WNK1: variants seen among roughly 807,000 people sequenced by gnomAD.
The protein encoded by WNK1 is serine/threonine-protein kinase WNK1.
Under a neutral mutation model 222.8 loss-of-function variants are expected in WNK1, and 38 were observed. That is an observed-to-expected ratio of 0.17 (90% CI 0.13 to 0.22). The LOEUF (loss-of-function observed/expected upper bound fraction) is 0.22. Among genes scored for constraint, WNK1 ranks in the 10% least tolerant of loss-of-function variants. The pLI is 1.00. For missense variants in WNK1, 2,348 were observed against 2,918.4 expected, an observed-to-expected ratio of 0.80 and a Z score of 4.50; for synonymous variants, 1,090 against 1,092.9, an observed-to-expected ratio of 1.00 and a Z score of 0.05.
At chr12:839,540 C>T (rs1250456546) in intron 4 of WNK1, among the ~76,000 whole-genome samples, 1 of 152,058 alleles carries the variant, frequency 6.6e-6, no homozygotes, top group Admixed American at 6.6e-5. Context: ...TTTGAGCTAA[C>T]CTCATTTGTT....
rs1592059537 is a variant in WNK1, at chr12:861,163, C to A, written c.1771C>A (p.Gln591Lys). The A allele has an allele frequency of 6.2e-7, 1 of 1,614,004 alleles. No homozygotes were observed. Among genetic ancestry groups the A allele is most frequent in the Non-Finnish European group, 8.5e-7 (1 of 1,179,984 alleles). Reference sequence around the variant, plus strand: ...AAAGCAGGAAGAGAGCAGTCTCAAACAGCAGGTAGAACAATCCAGTGCTTC... The same window carrying A: ...AAAGCAGGAAGAGAGCAGTCTCAAAAAGCAGGTAGAACAATCCAGTGCTTC... ...KKKQEESSLKQQVEQSSASQT... is the reference protein window; with the variant it reads ...KKKQEESSLKKQVEQSSASQT... Residue 591 changes from glutamine (Q) to lysine (K), a missense_variant, in exon 7 of 28, where the codon CAG becomes AAG. Transcript: ENST00000315939.
intron 1 of WNK1, among the ~76,000 whole-genome samples, chr12:793,305 T>A (rs1945015057): frequency 6.6e-6 from 1 of 152,138 alleles, no homozygotes; most frequent in African/African-American, 2.4e-5. Flanking sequence ...CTTTATAAAG[T>A]AGAGTTTACT....
chr12:868,548 A>G, intron 8 of WNK1: 1 of 1,613,852 alleles, frequency 6.2e-7, no homozygotes, highest in Middle Eastern at 1.6e-4. Context: ...ACACGTTTGA[A>G]ATTTCACCCT....
chr12:904,395 A>G, intron 26 of WNK1: 2 of 1,265,010 alleles, frequency 1.6e-6, no homozygotes, highest in South Asian at 2.5e-5. Context: ...GAGATTCTAA[A>G]TATTTTACAC....
intron 4 of WNK1, among the ~76,000 whole-genome samples, chr12:841,039 A>G (rs1466000741): frequency 6.6e-6 from 1 of 152,234 alleles, no homozygotes; most frequent in Non-Finnish European, 1.5e-5. Flanking sequence ...CTGTATTCTC[A>G]GTATAGTGTT....
chr12:896,057 T>C lies in WNK1; in HGVS notation c.5584-14T>C. The stretch of plus-strand genomic sequence containing the variant: ...TGAGAACTTAAGTTTTTAATCTTTG[T>C]CCTTTTTTATCAGGTTTCTGTTGCA... On this transcript the variant is annotated splice_polypyrimidine_tract_variant and intron_variant, in intron 23 of 27. Coordinates refer to ENST00000315939, the MANE Select transcript of WNK1 (RefSeq NM_018979.4). 6.2e-7 allele frequency: 1 copy of C among 1,614,184 alleles called. No homozygotes were observed. The highest frequency in any genetic ancestry group is 1.3e-5 in the African/African-American group (1 of 75,052).
chr12:826,930 G>A, intron 2 of WNK1, 112 bp from the exon 3 acceptor site: 1 of 796,248 alleles, frequency 1.3e-6, no homozygotes, highest in Non-Finnish European at 2.1e-6. Flanking sequence ...CTGAATCTTA[G>A]TATGCTAAAT....
At position 821,802 on chromosome 12, in the gene WNK1, C is replaced by T. The variant is rs548337974; in HGVS notation, c.933-5240C>T. On this transcript the variant is annotated intron_variant, in intron 2 of 27. Coordinates refer to ENST00000315939, the MANE Select transcript of WNK1 (RefSeq NM_018979.4). ...TCATGCTCTTCTTTATCTCTTGCAT[C>T]AGTATTTTTACTTATTTTGCCTGAT... Among the ~76,000 whole-genome samples, 6 of 152,196 alleles carry T rather than the reference C, an allele frequency of 3.9e-5. No homozygotes were observed. The East Asian group carries it at 1.2e-3, about 29-fold the overall frequency.
In WNK1 at chr12:884,328, A is replaced by C. The variant is rs965258370; in HGVS notation, c.3844+85A>C. 3 of 1,576,202 alleles carry C rather than the reference A, an allele frequency of 1.9e-6. No individual in the cohort carries two copies. Among genetic ancestry groups the C allele is most frequent in the African/African-American group, 1.4e-5 (1 of 74,004 alleles). On this transcript the variant is annotated intron_variant, in intron 18 of 27. Coordinates refer to ENST00000315939, the MANE Select transcript of WNK1 (RefSeq NM_018979.4). The surrounding 1 kb of genome is among the most constrained non-coding windows in gnomAD (Gnocchi z 5.6). ...AAGCTTAATCATAAAGCAGTAATTT[A>C]TGATGACACAGATAATAAAAAAGAA... is the stretch of plus-strand genomic sequence containing the variant.
At chr12:838,078 AGTGTGTGT>A (rs3072742) in intron 4 of WNK1, among the ~76,000 whole-genome samples, 50 of 148,882 alleles carry the variant, frequency 3.4e-4, no homozygotes, top group Middle Eastern at 3.4e-3. Flanking sequence ...GTAATATTCC[AGTGTGTGT>A]GTGTGTGTGT....
At chr12:801,102 CTT>C (rs1290425588) in intron 1 of WNK1, among the ~76,000 whole-genome samples, 2 of 152,144 alleles carry the variant, frequency 1.3e-5, no homozygotes, top group Non-Finnish European at 2.9e-5. Context: ...CTCTCATCCT[CTT>C]TATTGTTTGC....
chr12:864,109 A>ATTTTTTTTTTTTTTT (rs1251500483), intron 8 of WNK1, among the ~76,000 whole-genome samples: 3 of 131,090 alleles, frequency 2.3e-5, no homozygotes, highest in African/African-American at 9.2e-5. Flanking sequence ...CATTTTTTTA[A>ATTTTTTTTTTTTTTT]GTTTTTTTTT....
At chr12:807,874 T>G (rs574564464) in intron 1 of WNK1, among the ~76,000 whole-genome samples, 1 of 151,770 alleles carries the variant, frequency 6.6e-6, no homozygotes, top group Non-Finnish European at 1.5e-5. Flanking sequence ...CGCGCGCCAC[T>G]ACGCCTGGCT....
chr12:780,755 A>G (rs926423511), intron 1 of WNK1, among the ~76,000 whole-genome samples: 2 of 152,248 alleles, frequency 1.3e-5, no homozygotes, highest in Admixed American at 6.5e-5. Context: ...TGCAAACTAT[A>G]GAAGAATGAC....
intron 1 of WNK1, among the ~76,000 whole-genome samples, chr12:764,679 A>C (rs1350893964): frequency 7.0e-6 from 1 of 143,006 alleles, no homozygotes; most frequent in East Asian, 2.0e-4. Context: ...TAACATTCCC[A>C]CTGAGAAACA....
intron 4 of WNK1, among the ~76,000 whole-genome samples, chr12:848,788 T>C (rs1950215162): frequency 6.6e-6 from 1 of 152,186 alleles, no homozygotes; most frequent in Non-Finnish European, 1.5e-5. Flanking sequence ...TAAACTGTTA[T>C]CTGTGAATGG....
In WNK1 at chr12:871,250, A is replaced by G. The variant is rs1268710649; in HGVS notation, c.2140-15A>G. The G allele has an allele frequency of 4.3e-6, 7 of 1,613,598 alleles. No homozygotes were observed. The African/African-American group carries it at 5.3e-5, about 12-fold the overall frequency. The stretch of plus-strand genomic sequence containing the variant: ...AGGCCTTCTCTAATTTGTTGTGTTC[A>G]CTTCTTTCCTTCAGGCACAGGGGCA... On this transcript the variant is annotated splice_polypyrimidine_tract_variant and intron_variant, in intron 8 of 27. Coordinates refer to ENST00000315939, the MANE Select transcript of WNK1 (RefSeq NM_018979.4).
intron 4 of WNK1, among the ~76,000 whole-genome samples, chr12:852,109 C>T (rs1237681494): frequency 1.3e-5 from 2 of 152,132 alleles, no homozygotes; most frequent in East Asian, 1.9e-4. Context: ...TGAAAGATTG[C>T]GTCAGAGAAT....
At chr12:847,678 G>A (rs915232234) in intron 4 of WNK1, among the ~76,000 whole-genome samples, 1 of 151,610 alleles carries the variant, frequency 6.6e-6, no homozygotes, top group Non-Finnish European at 1.5e-5. Context: ...CTTAACTGGA[G>A]TATAAATTAT....
Sources: gnomAD v4.1 joint callset for allele counts (sites outside exome capture counted in the v4.1 genomes callset) on GRCh38, gnomAD v4.1.1 for gene constraint, Gnocchi (gnomAD v3.1) non-coding constraint, MANE v1.5 for transcripts, NCBI Gene and HGNC (gene_info 2026-07-23, HGNC 2026-07-21) for gene names.